The following KCNQ3 variants were observed in gnomAD, a reference collection of about 807,000 sequenced individuals.
KCNQ3 encodes the protein potassium voltage-gated channel subfamily KQT member 3.
In KCNQ3, 30 loss-of-function variants were observed where a neutral mutation model predicts 92.5. The ratio of observed to expected loss-of-function variants is 0.32; its 90% CI spans 0.24 to 0.44. The LOEUF (loss-of-function observed/expected upper bound fraction) is 0.44. Among genes scored for constraint, KCNQ3 ranks in the 20% least tolerant of loss-of-function variants. KCNQ3 has a pLI of 1.00. For synonymous variants in KCNQ3, 450 were observed against 468.8 expected (o/e 0.96, Z 0.52); for missense variants, 913 against 1,140.3 (o/e 0.80, Z 2.87).
chr8:132,478,720 T>C (rs1249892037), intron 1 of KCNQ3, among the ~76,000 whole-genome samples: 1 of 151,856 alleles, frequency 6.6e-6, no homozygotes, highest in Non-Finnish European at 1.5e-5. Context: ...CCACCCTTCC[T>C]GCTGGTTCCT....
At chr8:132,464,880 G>C (rs1822136887) in intron 1 of KCNQ3, among the ~76,000 whole-genome samples, 2 of 152,132 alleles carry the variant, frequency 1.3e-5, no homozygotes, top group South Asian at 4.1e-4. Context: ...CTAGCCCAAG[G>C]TCTGGCATCT....
chr8:132,362,361 T>C (rs900553917), intron 1 of KCNQ3, among the ~76,000 whole-genome samples: 3 of 152,182 alleles, frequency 2.0e-5, no homozygotes, highest in African/African-American at 7.2e-5. Context: ...TTACTATTTA[T>C]CCAAATTCAA....
intron 1 of KCNQ3, among the ~76,000 whole-genome samples, chr8:132,314,883 G>T (rs758671466): frequency 6.6e-6 from 1 of 152,106 alleles, no homozygotes; most frequent in Non-Finnish European, 1.5e-5. Context: ...CACAATAGGC[G>T]GGAAAAAATA....
In KCNQ3 at chr8:132,129,056, C is replaced by A; in HGVS notation, c.*206G>T. 1.6e-6 allele frequency: 1 copy of A among 608,802 alleles called. No homozygotes were observed. The highest frequency in any genetic ancestry group is 2.9e-6 in the Non-Finnish European group (1 of 344,150). 37.7% of individuals were successfully genotyped at this position (608,802 alleles called of 1,614,324 possible). A position where few individuals can be genotyped will look rare whatever the true frequency, so the allele number is the denominator to read the frequency against. ...ACCATTTATATAGTGTAAAGTCATG[C>A]AAACCATGCTGAAAAGGAAGCACTT... is the stretch of plus-strand genomic sequence containing the variant. On this transcript the variant is annotated 3_prime_UTR_variant, in exon 15 of 15. Transcript: ENST00000388996. This position sits in a 1 kb window ranked among gnomAD's most constrained non-coding sequence, Gnocchi z 5.9.
At chr8:132,373,246 T>C (rs902032461) in intron 1 of KCNQ3, among the ~76,000 whole-genome samples, 1 of 128,294 alleles carries the variant, frequency 7.8e-6, no homozygotes, top group Non-Finnish European at 1.8e-5. Flanking sequence ...GAGAGAGCCC[T>C]GGAGACCTAC....
rs138051230 is a variant in KCNQ3 at position 132,447,909 on chromosome 8, G to A, written c.386+32238C>T. 7.0e-3 allele frequency among the ~76,000 whole-genome samples: 1,061 copies of A among 152,276 alleles called. 10 individuals carry two copies. Among genetic ancestry groups the A allele is most frequent in the Non-Finnish European group, 0.012 (786 of 68,024 alleles). On this transcript the variant is annotated intron_variant, in intron 1 of 14. Transcript: ENST00000388996. The stretch of plus-strand genomic sequence containing the variant: ...CTACCTGCTGGGCATCACCCCCAGC[G>A]ACTTATAAATACCATCTCATATTTG...
chr8:132,347,298 C>A (rs1818717325), intron 1 of KCNQ3, among the ~76,000 whole-genome samples: 1 of 152,134 alleles, frequency 6.6e-6, no homozygotes, highest in Non-Finnish European at 1.5e-5. Flanking sequence ...CTGGAAAGTA[C>A]CCATTCTTAC....
intron 9 of KCNQ3, among the ~76,000 whole-genome samples, chr8:132,153,676 G>A (rs2082311): frequency 0.53 from 81,232 of 151,840 alleles, 22,054 homozygotes; most frequent in African/African-American, 0.6. Context: ...ATTCAAGGCT[G>A]TTGACAGCAG....
chr8:132,464,825 C>T (rs949969327), intron 1 of KCNQ3, among the ~76,000 whole-genome samples: 7 of 152,164 alleles, frequency 4.6e-5, no homozygotes, highest in Non-Finnish European at 1.0e-4. Context: ...ACCACTAGTC[C>T]CTCAAGAGCA....
At chr8:132,211,475 T>C (rs930442201) in intron 1 of KCNQ3, among the ~76,000 whole-genome samples, 17 of 152,162 alleles carry the variant, frequency 1.1e-4, no homozygotes, top group Non-Finnish European at 2.2e-4. Context: ...AGAATCAGAA[T>C]TGGCTCCATT....
intron 1 of KCNQ3, among the ~76,000 whole-genome samples, chr8:132,260,657 T>A (rs1815752828): frequency 6.6e-6 from 1 of 152,172 alleles, no homozygotes; most frequent in South Asian, 2.1e-4. Context: ...CTCTCCAATC[T>A]ATTCCCATCC....
At chr8:132,439,968 T>C (rs963590530) in intron 1 of KCNQ3, among the ~76,000 whole-genome samples, 4 of 152,168 alleles carry the variant, frequency 2.6e-5, no homozygotes, top group African/African-American at 9.6e-5. Flanking sequence ...GATATCACAA[T>C]CCCAGATGCT....
chr8:132,397,970 T>G (rs1299083331), intron 1 of KCNQ3, among the ~76,000 whole-genome samples: 2 of 152,204 alleles, frequency 1.3e-5, no homozygotes, highest in African/African-American at 4.8e-5. Flanking sequence ...ATTTATAAAA[T>G]ATTAACTCCC....
At chr8:132,437,871 AGCAGTTTAACTT>A in intron 1 of KCNQ3, among the ~76,000 whole-genome samples, 1 of 152,364 alleles carries the variant, frequency 6.6e-6, no homozygotes, top group South Asian at 2.1e-4. Flanking sequence ...AATTGTTCAC[AGCAGTTTAACTT>A]GCATTTGTAA....
chr8:132,155,505 A>C (rs1202418789), intron 9 of KCNQ3, among the ~76,000 whole-genome samples: 1 of 152,208 alleles, frequency 6.6e-6, no homozygotes, highest in Non-Finnish European at 1.5e-5. Context: ...GCCAGGCTCT[A>C]TTCTAAGCAT....
chr8:132,399,321 A>G (rs1345613864), intron 1 of KCNQ3, among the ~76,000 whole-genome samples: 1 of 152,152 alleles, frequency 6.6e-6, no homozygotes, highest in Non-Finnish European at 1.5e-5. Flanking sequence ...TCATTTTTGC[A>G]GCTCTCACAG....
At chr8:132,355,282 C>A (rs1818989213) in intron 1 of KCNQ3, among the ~76,000 whole-genome samples, 1 of 151,962 alleles carries the variant, frequency 6.6e-6, no homozygotes, top group Admixed American at 6.6e-5. Flanking sequence ...TCTAGTAGGG[C>A]CTAAGATGCC....
intron 1 of KCNQ3, among the ~76,000 whole-genome samples, chr8:132,224,668 G>A (rs1243169741): frequency 2.6e-5 from 4 of 152,072 alleles, no homozygotes; most frequent in Non-Finnish European, 5.9e-5. Flanking sequence ...TAAGTTAAAG[G>A]GAACAGGACA....
At chr8:132,174,401 G>T (rs1409912697) in intron 5 of KCNQ3, 52 bp from the exon 6 acceptor site, 1 of 1,347,370 alleles carries the variant, frequency 7.4e-7, no homozygotes. Flanking sequence ...GGAATATCAG[G>T]AACGTGTTAA....
Sources: allele counts gnomAD v4.1 joint callset (sites outside exome capture counted in the v4.1 genomes callset), GRCh38; gene constraint gnomAD v4.1.1; non-coding constraint Gnocchi (gnomAD v3.1); transcripts MANE v1.5; gene names NCBI Gene and HGNC (gene_info 2026-07-23, HGNC 2026-07-21).